RASEF: variants seen among roughly 807,000 people sequenced by gnomAD.
The protein encoded by RASEF is RAS and EF-hand domain containing, also known as ras and EF-hand domain-containing protein.
RASEF carries 68 observed loss-of-function variants against 90.1 expected under a neutral mutation model. The observed-to-expected ratio is 0.75, with a 90% confidence interval of 0.62 to 0.92. The LOEUF is 0.92. RASEF is among the 40% of genes least tolerant of loss of function. The pLI is 0.00. For missense variants in RASEF, 949 were observed against 937.2 expected, an observed-to-expected ratio of 1.01 and a Z score of -0.16; for synonymous variants, 331 against 345.2, an observed-to-expected ratio of 0.96 and a Z score of 0.46.
chr9:83,144,391 G>GGAAAGAAAGAAAGAAAGAAA, the RASEF span, among the ~76,000 whole-genome samples: 1,920 of 33,014 alleles, frequency 0.058, 205 homozygotes, highest in Middle Eastern at 0.08. Flanking sequence ...AAGAAAGAAA[G>GGAAAGAAAGAAAGAAAGAAA]GAAAGAAAGA....
chr9:83,123,516 TCAC>T, the RASEF span, among the ~76,000 whole-genome samples: 1 of 151,842 alleles, frequency 6.6e-6, no homozygotes, highest in Non-Finnish European at 1.5e-5. Context: ...TCTCCTAATC[TCAC>T]TTCAGAAACA....
At chr9:83,164,413 G>A in the RASEF span, among the ~76,000 whole-genome samples, 2 of 144,252 alleles carry the variant, frequency 1.4e-5, no homozygotes, top group Non-Finnish European at 1.5e-5. Context: ...ATGATATAAG[G>A]GATGGGAGGG....
the RASEF span, among the ~76,000 whole-genome samples, chr9:83,076,367 T>G: frequency 6.6e-6 from 1 of 151,978 alleles, no homozygotes; most frequent in Non-Finnish European, 1.5e-5. Context: ...ATTACATGAA[T>G]TCCTTGATTT....
the RASEF span, among the ~76,000 whole-genome samples, chr9:83,147,040 G>GTATATATATATATA: frequency 7.0e-6 from 1 of 143,706 alleles, no homozygotes; most frequent in Admixed American, 7.0e-5. Flanking sequence ...ATATATATAT[G>GTATATATATATATA]TATATATATA....
intron 1 of RASEF, among the ~76,000 whole-genome samples, chr9:83,060,781 A>G (rs938167744): frequency 4.6e-5 from 7 of 152,202 alleles, no homozygotes; most frequent in Non-Finnish European, 1.0e-4. Flanking sequence ...CAAATATTGT[A>G]CTTGTTAATC....
the RASEF span, among the ~76,000 whole-genome samples, chr9:83,140,869 A>T: frequency 6.6e-6 from 1 of 152,122 alleles, no homozygotes; most frequent in Non-Finnish European, 1.5e-5. Flanking sequence ...AAAAAGGTAG[A>T]TAGGGGCTCA....
intron 1 of RASEF, among the ~76,000 whole-genome samples, chr9:83,047,707 A>G (rs1829958499): frequency 6.6e-6 from 1 of 152,224 alleles, no homozygotes; most frequent in African/African-American, 2.4e-5. Context: ...GTAAAGTACA[A>G]TAACATCTAA....
At chr9:83,021,309 G>C (rs557483919) in intron 3 of RASEF, among the ~76,000 whole-genome samples, 1 of 152,182 alleles carries the variant, frequency 6.6e-6, no homozygotes, top group African/African-American at 2.4e-5. Flanking sequence ...ATCTGGGCCA[G>C]GATGCAAACT....
At position 82,993,005 on chromosome 9, in the gene RASEF, A is replaced by C; in HGVS notation, c.1941T>G (p.Val647=). 1.2e-6 allele frequency: 2 copies of C among 1,613,994 alleles called. No homozygotes were observed. Among genetic ancestry groups the C allele is most frequent in the Non-Finnish European group, 1.7e-6 (2 of 1,179,940 alleles). The change falls in exon 15 of 17, where the codon GTT becomes GTG. Residue 647 remains valine (V), a synonymous_variant. Transcript: ENST00000376447. The part of the protein sequence containing the change: ...DMIEDAAHET[V]PIMLVGNKAD... ...CCTTGTTTCCTACCAGCATAATGGG[A>C]ACAGTCTCATGGGCTGCATCCTACC...
intron 8 of RASEF, 53 bp from the exon 9 acceptor site, chr9:83,004,639 T>C (rs1219613121): frequency 9.1e-7 from 1 of 1,096,034 alleles, no homozygotes; most frequent in African/African-American, 1.5e-5. Context: ...ATGTAAACAT[T>C]TTATATACAC....
chr9:83,001,100 G>A lies in RASEF; in HGVS notation c.1233C>T (p.Asp411=). ...RSSRSSYVDE[D]CDSLALCDPL... is the part of the protein sequence containing the mutation. ...GATCACAGAGGGCCAGGGAGTCACA[G>A]TCCTCATCCACATAGGAAGAGCGGG... Residue 411 remains aspartate (D), a synonymous_variant, in exon 10 of 17, where the codon GAC becomes GAT. Coordinates refer to ENST00000376447, the MANE Select transcript of RASEF (RefSeq NM_152573.4). The A allele has an allele frequency of 1.4e-5, 22 of 1,614,012 alleles. No homozygotes were observed. The highest frequency in any genetic ancestry group is 1.9e-5 in the Non-Finnish European group (22 of 1,179,886).
the RASEF span, among the ~76,000 whole-genome samples, chr9:83,099,086 G>A: frequency 4.6e-5 from 7 of 151,906 alleles, no homozygotes; most frequent in African/African-American, 1.7e-4. Flanking sequence ...ATCTATCTCT[G>A]TCTTTCCATA....
chr9:83,203,928 G>C, the RASEF span, among the ~76,000 whole-genome samples: 4 of 152,330 alleles, frequency 2.6e-5, no homozygotes, highest in African/African-American at 9.6e-5. Context: ...TCTATGGGCA[G>C]TGGCAATTCA....
upstream of RASEF, among the ~76,000 whole-genome samples, chr9:83,065,339 A>G (rs1830274266): frequency 6.6e-6 from 1 of 152,074 alleles, no homozygotes; most frequent in African/African-American, 2.4e-5. Context: ...TGTTGACTCA[A>G]CTGGGGCTGG....
chr9:83,057,052 A>G (rs918324209), intron 1 of RASEF, among the ~76,000 whole-genome samples: 1 of 152,212 alleles, frequency 6.6e-6, no homozygotes, highest in African/African-American at 2.4e-5. Context: ...TAGAGCTCAT[A>G]AAACCTAAGG....
intron 1 of RASEF, among the ~76,000 whole-genome samples, chr9:83,060,905 A>T (rs950918107): frequency 6.6e-6 from 1 of 152,216 alleles, no homozygotes; most frequent in Non-Finnish European, 1.5e-5. Flanking sequence ...TAATTCCACC[A>T]ATAATATTAA....
chr9:83,181,633 A>G, the RASEF span, among the ~76,000 whole-genome samples: 1 of 151,728 alleles, frequency 6.6e-6, no homozygotes, highest in East Asian at 1.9e-4. Flanking sequence ...TTGTGAAGCA[A>G]CTCTACAGTT....
the RASEF span, among the ~76,000 whole-genome samples, chr9:83,139,896 GT>G: frequency 6.6e-6 from 1 of 152,132 alleles, no homozygotes; most frequent in South Asian, 2.1e-4. Context: ...TACTATATTG[GT>G]TACTAATTTC....
At chr9:83,170,571 T>C in the RASEF span, among the ~76,000 whole-genome samples, 4 of 151,910 alleles carry the variant, frequency 2.6e-5, no homozygotes, top group South Asian at 2.1e-4. Flanking sequence ...ATTTTTTCTT[T>C]TTTGTGTCCT....
Sources: allele counts gnomAD v4.1 joint callset (sites outside exome capture counted in the v4.1 genomes callset), GRCh38; gene constraint gnomAD v4.1.1; transcripts MANE v1.5; gene names NCBI Gene and HGNC (gene_info 2026-07-23, HGNC 2026-07-21).